The following UBR3 variants were observed in gnomAD, a reference collection of about 807,000 sequenced individuals.
UBR3 encodes E3 ubiquitin-protein ligase UBR3.
A neutral mutation model predicts 243.2 loss-of-function variants in UBR3; 85 were observed. The ratio of observed to expected loss-of-function variants is 0.35; its 90% CI spans 0.29 to 0.42. The LOEUF is 0.42. Ranked by LOEUF, UBR3 falls within the 10% of genes least tolerant of loss-of-function variation. UBR3 has a pLI of 1.00. For synonymous variants in UBR3, 748 were observed against 799.8 expected (o/e 0.94, Z 1.09); for missense variants, 1,686 against 2,300.8 (o/e 0.73, Z 5.47).
intron 26 of UBR3, among the ~76,000 whole-genome samples, chr2:169,999,521 T>G (rs2089615552): frequency 6.6e-6 from 1 of 152,210 alleles, no homozygotes; most frequent in Non-Finnish European, 1.5e-5. Context: ...ATTGATTCAG[T>G]TTTTTAAGCA....
intron 1 of UBR3, among the ~76,000 whole-genome samples, chr2:169,870,965 TA>T (rs552094980): frequency 0.011 from 1,542 of 141,498 alleles, 6 homozygotes; most frequent in East Asian, 0.02. Flanking sequence ...AAACTGTCTT[TA>T]AAAAAAAAAA....
intron 24 of UBR3, among the ~76,000 whole-genome samples, chr2:169,977,905 G>C (rs568918456): frequency 6.6e-6 from 1 of 152,112 alleles, no homozygotes; most frequent in Non-Finnish European, 1.5e-5. Flanking sequence ...ATTGATATCT[G>C]TACATCTTGT....
chr2:169,942,794 C>T (rs1382481793), intron 20 of UBR3, among the ~76,000 whole-genome samples, 160 bp downstream of exon 20: 1 of 152,044 alleles, frequency 6.6e-6, no homozygotes, highest in Non-Finnish European at 1.5e-5. Flanking sequence ...ATTTGAAATC[C>T]AAGTTGAACA....
At chr2:169,863,022 T>C (rs963441898) in intron 1 of UBR3, among the ~76,000 whole-genome samples, 7 of 152,234 alleles carry the variant, frequency 4.6e-5, no homozygotes, top group African/African-American at 1.7e-4. Context: ...AAGGCTTACT[T>C]GTAGGGGAGC....
chr2:170,071,926 G>A (rs2091706147), intron 35 of UBR3, among the ~76,000 whole-genome samples: 1 of 152,106 alleles, frequency 6.6e-6, no homozygotes, highest in South Asian at 2.1e-4. Flanking sequence ...GAAACAACAG[G>A]TGCTGGAGAG....
At chr2:169,860,184 T>C (rs2083040677) in intron 1 of UBR3, among the ~76,000 whole-genome samples, 1 of 152,216 alleles carries the variant, frequency 6.6e-6, no homozygotes, top group Non-Finnish European at 1.5e-5. Flanking sequence ...TTCTGCTGGT[T>C]ATGGATCGTA....
At chr2:169,909,448 G>A (rs561743741) in intron 10 of UBR3, among the ~76,000 whole-genome samples, 1 of 152,116 alleles carries the variant, frequency 6.6e-6, no homozygotes, top group Non-Finnish European at 1.5e-5. Flanking sequence ...ATCTGAAAAA[G>A]TTGAGCTTAT....
At chr2:169,873,605 C>G (rs545545450) in intron 2 of UBR3, among the ~76,000 whole-genome samples, 1 of 152,018 alleles carries the variant, frequency 6.6e-6, no homozygotes, top group Admixed American at 6.6e-5. Context: ...CTCAGGAGTT[C>G]AAGGCTGCAG....
At chr2:169,903,331 A>G (rs1458475214) in intron 8 of UBR3, among the ~76,000 whole-genome samples, 1 of 152,224 alleles carries the variant, frequency 6.6e-6, no homozygotes, top group Non-Finnish European at 1.5e-5. Flanking sequence ...ATTATATAGA[A>G]CAGTGATTCT....
chr2:169,893,880 A>G (rs1356626528), intron 6 of UBR3, among the ~76,000 whole-genome samples: 2 of 152,060 alleles, frequency 1.3e-5, no homozygotes, highest in Non-Finnish European at 1.5e-5. Flanking sequence ...ATTTTTAGTT[A>G]CAAATCTTAA....
chr2:169,865,909 G>A (rs1039727577), intron 1 of UBR3, among the ~76,000 whole-genome samples: 10 of 152,052 alleles, frequency 6.6e-5, no homozygotes, highest in African/African-American at 2.4e-4. Context: ...CAGCACTTTG[G>A]GAAGCTGAGG....
intron 23 of UBR3, among the ~76,000 whole-genome samples, chr2:169,953,041 CTG>C (rs905862122): frequency 1.3e-5 from 2 of 152,018 alleles, no homozygotes; most frequent in African/African-American, 4.8e-5. Context: ...GAATCAAAAT[CTG>C]TTTTTCTTGA....
In UBR3 at chr2:169,906,047, G is replaced by A. The variant is rs2084998510; in HGVS notation, c.1662G>A (p.Lys554=). The change falls in exon 10 of 39, where the codon AAG becomes AAA. Residue 554 remains lysine, a synonymous_variant. Transcript: ENST00000272793. ...TTTTGCCAGGTATGAACTTAAACAA[G>A]CGAGAACTAAACGAGCATGTGGAAT... The part of the protein sequence containing the change: ...VSFFQGMNLN[K]RELNEHVEFE... The A allele has an allele frequency of 6.4e-7, 1 of 1,551,494 alleles. No homozygotes were observed. The highest frequency in any genetic ancestry group is 8.7e-7 in the Non-Finnish European group (1 of 1,146,904).
intron 31 of UBR3, among the ~76,000 whole-genome samples, chr2:170,035,131 C>T (rs1424863545): frequency 6.6e-6 from 1 of 151,920 alleles, no homozygotes; most frequent in Non-Finnish European, 1.5e-5. Context: ...CTTGTCTTCT[C>T]ATTGTCTTGA....
chr2:169,835,998 TCTCTCTCTC>T (rs1558998205), intron 1 of UBR3, among the ~76,000 whole-genome samples: 2,221 of 32,014 alleles, frequency 0.069, 164 homozygotes, highest in African/African-American at 0.099. Context: ...GCACTGTCTC[TCTCTCTCTC>T]TCTCTCTCTC....
chr2:169,857,371 T>C (rs561393462), intron 1 of UBR3, among the ~76,000 whole-genome samples: 1 of 152,048 alleles, frequency 6.6e-6, no homozygotes, highest in Admixed American at 6.5e-5. Flanking sequence ...CCCGGCCCCA[T>C]TGTGTTCTGA....
At chr2:169,883,225 A>G (rs2083960363) in intron 5 of UBR3, among the ~76,000 whole-genome samples, 1 of 152,204 alleles carries the variant, frequency 6.6e-6, no homozygotes, top group Non-Finnish European at 1.5e-5. Context: ...ACGGAGATCT[A>G]AGATGGCTCA....
intron 1 of UBR3, among the ~76,000 whole-genome samples, chr2:169,846,742 A>G (rs1200463094): frequency 6.6e-6 from 1 of 151,284 alleles, no homozygotes; most frequent in Non-Finnish European, 1.5e-5. Flanking sequence ...CTTTTAAAGT[A>G]TTTTTTTGGA....
chr2:170,029,976 A>C lies in UBR3; in HGVS notation c.4556+528A>C, dbSNP rs550997678. Among the ~76,000 whole-genome samples the C allele has an allele frequency of 4.6e-5, 7 of 152,244 alleles. No individual in the cohort carries two copies. In the South Asian group the frequency reaches 1.5e-3, roughly 32 times the overall value. On this transcript the variant is annotated intron_variant, in intron 31 of 38. Coordinates refer to ENST00000272793, the MANE Select transcript of UBR3 (RefSeq NM_172070.4). ...TGAAATACAGTTTGGCAGGATGAAT[A>C]CTTGATACTTTTCTGATTTATAAAT...
Sources: gnomAD v4.1 joint callset for allele counts (sites outside exome capture counted in the v4.1 genomes callset) on GRCh38, gnomAD v4.1.1 for gene constraint, MANE v1.5 for transcripts, NCBI Gene and HGNC (gene_info 2026-07-23, HGNC 2026-07-21) for gene names.